EXT1: variants seen among roughly 807,000 people sequenced by gnomAD.
EXT1 encodes the protein exostosin glycosyltransferase 1, also known as exostosin-1.
Under a neutral mutation model 82.5 loss-of-function variants are expected in EXT1, and 20 were observed. The observed-to-expected ratio is 0.24, with a 90% CI of 0.17 to 0.35. The LOEUF (loss-of-function observed/expected upper bound fraction) is 0.35, where lower values mean the gene tolerates loss of function less well. Ranked by LOEUF, EXT1 falls within the 10% of genes least tolerant of loss-of-function variation. The pLI is 1.00. For missense variants in EXT1, 757 were observed against 936.5 expected (o/e 0.81, Z 2.50); for synonymous variants, 348 against 350.8 (o/e 0.99, Z 0.09).
chr8:117,887,626 A>G (rs1365541220), intron 1 of EXT1, among the ~76,000 whole-genome samples: 1 of 152,016 alleles, frequency 6.6e-6, no homozygotes, highest in Non-Finnish European at 1.5e-5. Flanking sequence ...CTGGGATTAC[A>G]GGTGTGAGCC....
chr8:117,865,134 T>C (rs1005998189), intron 1 of EXT1, among the ~76,000 whole-genome samples: 7 of 152,194 alleles, frequency 4.6e-5, no homozygotes, highest in East Asian at 1.9e-4. Flanking sequence ...TTCCCACTTA[T>C]TAGATTTTCA....
Position 117,807,202 on chromosome 8 carries a change from G to A in EXT1, c.1883+15C>T. 6.2e-7 allele frequency: 1 copy of A among 1,614,094 alleles called. No homozygotes were observed. Among genetic ancestry groups the A allele is most frequent in the African/African-American group, 1.3e-5 (1 of 75,054 alleles). The stretch of plus-strand genomic sequence containing the variant: ...GCTATGTAAAGTCTGTAAGAGACAT[G>A]TCCAGATTCCTCACTTGTGGTAAAT... On this transcript the variant is annotated intron_variant, in intron 9 of 10. Coordinates refer to ENST00000378204, the MANE Select transcript of EXT1 (RefSeq NM_000127.3).
chr8:118,111,039 G>A lies in EXT1; in HGVS notation c.8C>T (p.Ala3Val). Residue 3 changes from alanine to valine, a missense_variant, in exon 1 of 11, where the codon GCC becomes GTC. This residue lies in a region of EXT1 where 175 missense variants were observed against 159.0 expected (regional missense o/e 1.10). Coordinates refer to ENST00000378204, the MANE Select transcript of EXT1 (RefSeq NM_000127.3). Reference sequence around the variant, plus strand: ...GAGCAGGATGAAATAGCGTTTTTTGGCCTGCATGTGTCCTGCCTGGGTCAA... The same window carrying A: ...GAGCAGGATGAAATAGCGTTTTTTGACCTGCATGTGTCCTGCCTGGGTCAA... MQAKKRYFILLSA... is the reference protein window; with the variant it reads MQVKKRYFILLSA... The A allele has an allele frequency of 2.5e-6, 4 of 1,595,022 alleles. No homozygotes were observed. The South Asian group carries it at 3.3e-5, about 13-fold the overall frequency.
chr8:118,013,516 G>A (rs1297746346), intron 1 of EXT1, among the ~76,000 whole-genome samples: 1 of 152,070 alleles, frequency 6.6e-6, no homozygotes, highest in East Asian at 1.9e-4. Context: ...TTAGTACAGG[G>A]GCTAGAGTAG....
intron 1 of EXT1, among the ~76,000 whole-genome samples, chr8:117,894,378 T>C (rs1271080102): frequency 3.9e-5 from 6 of 152,122 alleles, no homozygotes; most frequent in African/African-American, 1.4e-4. Context: ...TCCATGCTGG[T>C]CCTGTTGGTG....
intron 1 of EXT1, among the ~76,000 whole-genome samples, chr8:117,957,990 A>G (rs2129710412): frequency 6.6e-6 from 1 of 152,338 alleles, no homozygotes; most frequent in East Asian, 1.9e-4. Context: ...GCTCATTCTT[A>G]AAACAGAGTT....
At chr8:118,071,623 T>C (rs1758895758) in intron 1 of EXT1, among the ~76,000 whole-genome samples, 1 of 152,138 alleles carries the variant, frequency 6.6e-6, no homozygotes, top group Non-Finnish European at 1.5e-5. Flanking sequence ...AGATGATACC[T>C]CTTTAGCTTG....
rs5894404 is a variant in EXT1 at position 117,925,359 on chromosome 8, CAA to C, written c.963-88160_963-88159del. The stretch of plus-strand genomic sequence containing the variant: ...AATGAGTGAATCAATGCAACCACCT[CAA>C]AAAAAAAAAACAAACCTTTACGGTT... On this transcript the variant is annotated intron_variant, in intron 1 of 10. Transcript: ENST00000378204. Among the ~76,000 whole-genome samples, 302 of 142,478 alleles carry C rather than the reference CAA, an allele frequency of 2.1e-3. 1 individual carries two copies. The highest frequency in any genetic ancestry group is 0.014 in the South Asian group (64 of 4,576). The allele number at this position is 142,478 out of a possible 152,430, so 93.5% of individuals were successfully genotyped here.
At chr8:118,057,798 A>G (rs1282119018) in intron 1 of EXT1, among the ~76,000 whole-genome samples, 1 of 151,786 alleles carries the variant, frequency 6.6e-6, no homozygotes, top group African/African-American at 2.4e-5. Flanking sequence ...ACATGGTGAA[A>G]CCCCATCTCT....
In EXT1 at chr8:118,101,949, AG is replaced by A. The variant is rs1817726320; in HGVS notation, c.962+8135del. 2.0e-5 allele frequency among the ~76,000 whole-genome samples: 3 copies of A among 150,978 alleles called. 1 individual carries two copies. Among genetic ancestry groups the A allele is most frequent in the South Asian group, 4.2e-4 (2 of 4,782 alleles). ...AACCCATTACAGACTATTTCTAATG[AG>A]GAAAAAAAAAAAAAACAAGTTAAAT... On this transcript the variant is annotated intron_variant, in intron 1 of 10. Transcript: ENST00000378204.
chr8:118,090,119 C>G (rs918707130), intron 1 of EXT1, among the ~76,000 whole-genome samples: 1 of 152,106 alleles, frequency 6.6e-6, no homozygotes, highest in East Asian at 1.9e-4. Flanking sequence ...CAACCAAAAA[C>G]CTGTAAAAAA....
intron 3 of EXT1, among the ~76,000 whole-genome samples, chr8:117,830,638 T>C (rs910971627): frequency 1.2e-4 from 19 of 152,190 alleles, no homozygotes; most frequent in Non-Finnish European, 2.5e-4. Flanking sequence ...ATAGTCACAA[T>C]TGCTGTTTCC....
At chr8:118,098,774 AAG>A (rs1554600605) in intron 1 of EXT1, among the ~76,000 whole-genome samples, 1 of 150,336 alleles carries the variant, frequency 6.7e-6, no homozygotes, top group African/African-American at 2.5e-5. Context: ...AAAAAAAAAA[AAG>A]AATAGCTAGC....
At chr8:117,867,208 G>A (rs886682137) in intron 1 of EXT1, among the ~76,000 whole-genome samples, 17 of 136,828 alleles carry the variant, frequency 1.2e-4, no homozygotes, top group Admixed American at 2.4e-4. Context: ...GCAGTGGGCC[G>A]AGATTGCACC....
intron 1 of EXT1, among the ~76,000 whole-genome samples, chr8:117,929,214 G>A (rs141408941): frequency 1.3e-5 from 2 of 152,310 alleles, no homozygotes; most frequent in African/African-American, 4.8e-5. Context: ...GCAACACTGA[G>A]CTCAAGGAAG....
chr8:117,844,137 C>CTACTATTATTAT (rs1812315241), intron 1 of EXT1, among the ~76,000 whole-genome samples: 2 of 142,532 alleles, frequency 1.4e-5, no homozygotes, highest in East Asian at 2.0e-4. Context: ...ATTTCAATTA[C>CTACTATTATTAT]TATTATTATT....
chr8:118,046,655 A>G (rs557874796), intron 1 of EXT1, among the ~76,000 whole-genome samples: 1 of 152,242 alleles, frequency 6.6e-6, no homozygotes, highest in Admixed American at 6.5e-5. Context: ...TTAAACCTAG[A>G]ATTACATTTA....
intron 1 of EXT1, among the ~76,000 whole-genome samples, chr8:117,905,825 A>G (rs977953400): frequency 1.6e-4 from 24 of 152,284 alleles, no homozygotes; most frequent in African/African-American, 5.3e-4. Context: ...AAACAAAACA[A>G]AAAACACTTT....
chr8:117,836,232 CT>C (rs1458087990), intron 2 of EXT1, among the ~76,000 whole-genome samples: 1 of 152,068 alleles, frequency 6.6e-6, no homozygotes, highest in African/African-American at 2.4e-5. Flanking sequence ...AACAATTTTT[CT>C]TTATGCAGCA....
Sources: allele counts gnomAD v4.1 joint callset (sites outside exome capture counted in the v4.1 genomes callset), GRCh38; gene constraint gnomAD v4.1.1; regional missense constraint gnomAD v4.1.1; transcripts MANE v1.5; gene names NCBI Gene and HGNC (gene_info 2026-07-23, HGNC 2026-07-21).